MCPH1: variants seen among roughly 807,000 people sequenced by gnomAD.
MCPH1 encodes microcephalin.
MCPH1 carries 104 observed loss-of-function variants against 84.5 expected under a neutral mutation model. The observed-to-expected ratio is 1.23, with a 90% CI of 1.05 to 1.45. The LOEUF (loss-of-function observed/expected upper bound fraction) is 1.45. Among genes scored for constraint, MCPH1 ranks in the 40% most tolerant of loss-of-function variants. MCPH1 has a pLI of 0.00. For synonymous variants in MCPH1, 514 were observed against 366.8 expected (o/e 1.40, Z -4.58); for missense variants, 1,498 against 1,005.7 (o/e 1.49, Z -6.62).
At position 6,444,749 on chromosome 8, in the gene MCPH1, C is replaced by T. The variant is rs1229941446; in HGVS notation, c.1027C>T (p.Leu343Phe). ...SPTLSSTKGH[L>F]LIHSRPRSSS... ...TACCTTATCTTCAACAAAAGGCCACCTTTTGATACATTCAAGACCCAGGAG... is the reference window on the plus strand; with the variant it reads ...TACCTTATCTTCAACAAAAGGCCACTTTTTGATACATTCAAGACCCAGGAG... The change falls in exon 8 of 14, where the codon CTT becomes TTT. Residue 343 changes from leucine to phenylalanine, a missense_variant. Coordinates refer to ENST00000344683, the MANE Select transcript of MCPH1 (RefSeq NM_024596.5). 2.5e-6 allele frequency: 4 copies of T among 1,613,936 alleles called. No homozygotes were observed. The highest frequency in any genetic ancestry group is 3.4e-6 in the Non-Finnish European group (4 of 1,180,004).
chr8:6,436,892 C>T (rs2129554667), intron 5 of MCPH1, among the ~76,000 whole-genome samples: 1 of 152,054 alleles, frequency 6.6e-6, no homozygotes, highest in African/African-American at 2.4e-5. Context: ...ATGGGGTGAA[C>T]CTGGGAGGCA....
At chr8:6,628,183 T>G (rs1337832084) in intron 13 of MCPH1, among the ~76,000 whole-genome samples, 5 of 151,678 alleles carry the variant, frequency 3.3e-5, no homozygotes, top group Admixed American at 3.3e-4. Context: ...TTTAAAAGCG[T>G]ATTAAGGCTG....
At chr8:6,551,283 T>C (rs1355739167) in intron 12 of MCPH1, among the ~76,000 whole-genome samples, 1 of 152,158 alleles carries the variant, frequency 6.6e-6, no homozygotes, top group East Asian at 1.9e-4. Flanking sequence ...GGTAGCGGTA[T>C]TTAGGGGTGA....
chr8:6,473,453 T>A (rs1457937310), intron 9 of MCPH1, among the ~76,000 whole-genome samples: 1 of 144,334 alleles, frequency 6.9e-6, no homozygotes, highest in East Asian at 2.2e-4. Context: ...TGCCTCGGCC[T>A]CCCAAGTAGC....
In MCPH1 at chr8:6,647,612, A is replaced by G. The variant is rs1798272193; in HGVS notation, c.*4563A>G. 6.6e-6 allele frequency: 1 copy of G among 152,156 alleles called. No individual in the cohort carries two copies. The highest frequency in any genetic ancestry group is 1.5e-5 in the Non-Finnish European group (1 of 68,030). 9.4% of individuals were successfully genotyped at this position (152,156 alleles called of 1,614,324 possible). On this transcript the variant is annotated 3_prime_UTR_variant, in exon 14 of 14. Coordinates refer to ENST00000344683, the MANE Select transcript of MCPH1 (RefSeq NM_024596.5). Reference sequence around the variant, plus strand: ...AAGCAACAAACTACTAAACACGTGCAACAACATGAATGAGCCTCAGAAACA... The same window carrying G: ...AAGCAACAAACTACTAAACACGTGCGACAACATGAATGAGCCTCAGAAACA...
At chr8:6,444,192 C>G (rs1162706560) in intron 7 of MCPH1, among the ~76,000 whole-genome samples, 1 of 152,194 alleles carries the variant, frequency 6.6e-6, no homozygotes, top group Non-Finnish European at 1.5e-5. Flanking sequence ...ATCCCATACA[C>G]CCATCAAAGC....
intron 12 of MCPH1, among the ~76,000 whole-genome samples, chr8:6,539,368 G>A (rs1378298034): frequency 6.6e-6 from 1 of 152,174 alleles, no homozygotes; most frequent in Non-Finnish European, 1.5e-5. Flanking sequence ...TTCACGTTCA[G>A]TGTAAGGCCC....
chr8:6,489,489 G>A (rs1229328476), intron 11 of MCPH1, among the ~76,000 whole-genome samples: 3 of 152,172 alleles, frequency 2.0e-5, no homozygotes, highest in African/African-American at 4.8e-5. Context: ...TTCTTCAGGT[G>A]GATGTTGTCA....
chr8:6,582,944 G>A (rs114531252), intron 12 of MCPH1, among the ~76,000 whole-genome samples: 1,680 of 152,216 alleles, frequency 0.011, 33 homozygotes, highest in African/African-American at 0.039. Context: ...TCTGGGCCAC[G>A]ATGACTGGGG....
chr8:6,484,211 A>G (rs1809579107), intron 11 of MCPH1, among the ~76,000 whole-genome samples: 1 of 152,250 alleles, frequency 6.6e-6, no homozygotes, highest in Admixed American at 6.5e-5. Flanking sequence ...ACTGAACAAT[A>G]AGAAAACAGA....
At chr8:6,529,168 G>A (rs1035579156) in intron 12 of MCPH1, among the ~76,000 whole-genome samples, 4 of 152,140 alleles carry the variant, frequency 2.6e-5, no homozygotes, top group Non-Finnish European at 4.4e-5. Flanking sequence ...GCATCAAACC[G>A]CTGGACCAGC....
chr8:6,414,967 A>G, intron 3 of MCPH1, 84 bp downstream of exon 3: 1 of 1,385,576 alleles, frequency 7.2e-7, no homozygotes. Context: ...TCGCAGAACC[A>G]GATAAAGTTT....
chr8:6,529,021 C>G (rs1292498136), intron 12 of MCPH1, among the ~76,000 whole-genome samples: 1 of 152,202 alleles, frequency 6.6e-6, no homozygotes, highest in African/African-American at 2.4e-5. Flanking sequence ...CTAAAAGGAA[C>G]TGGAAAATTG....
chr8:6,417,958 A>G (rs564369172), intron 3 of MCPH1, among the ~76,000 whole-genome samples: 115 of 152,148 alleles, frequency 7.6e-4, no homozygotes, highest in Non-Finnish European at 1.4e-3. Context: ...CAAGCAGTTA[A>G]CTTGTCGTTA....
At chr8:6,465,924 G>GATGCATCCGTCC (rs368134296) in intron 9 of MCPH1, among the ~76,000 whole-genome samples, 2 of 148,246 alleles carry the variant, frequency 1.3e-5, no homozygotes, top group East Asian at 4.0e-4. Flanking sequence ...TTTATCTATC[G>GATGCATCCGTCC]ATCCATCCAT....
At chr8:6,420,549 T>C (rs1446343367) in intron 3 of MCPH1, among the ~76,000 whole-genome samples, 1 of 152,106 alleles carries the variant, frequency 6.6e-6, no homozygotes, top group Non-Finnish European at 1.5e-5. Flanking sequence ...GGGAATGGGG[T>C]AAGACTCAGT....
In MCPH1 at chr8:6,599,417, A is replaced by T. The variant is rs369416788; in HGVS notation, c.2215-22037A>T. On this transcript the variant is annotated intron_variant, in intron 12 of 13. Coordinates refer to ENST00000344683, the MANE Select transcript of MCPH1 (RefSeq NM_024596.5). ...TAGTGAAAGAATGAAAAAACCGAGG[A>T]TGTTCTTTGTCCATTATTCTCACCG... Among the ~76,000 whole-genome samples the T allele has an allele frequency of 3.6e-4, 55 of 152,232 alleles. 1 individual carries two copies. The South Asian group carries it at 0.011, about 30-fold the overall frequency.
chr8:6,450,910 G>A (rs1287296384), intron 8 of MCPH1, among the ~76,000 whole-genome samples: 1 of 152,032 alleles, frequency 6.6e-6, no homozygotes, highest in Non-Finnish European at 1.5e-5. Flanking sequence ...ACTCGGCTAC[G>A]TTCCCCAGGC....
intron 4 of MCPH1, among the ~76,000 whole-genome samples, chr8:6,432,121 T>TC (rs1487203756): frequency 6.6e-6 from 1 of 152,138 alleles, no homozygotes; most frequent in African/African-American, 2.4e-5. Context: ...CCTACACAAA[T>TC]CCTCCCGTAT....
Sources: gnomAD v4.1 joint callset for allele counts (sites outside exome capture counted in the v4.1 genomes callset) on GRCh38, gnomAD v4.1.1 for gene constraint, MANE v1.5 for transcripts, NCBI Gene and HGNC (gene_info 2026-07-23, HGNC 2026-07-21) for gene names.